Variants in UPP2 observed in about 807,000 individuals in gnomAD.
UPP2 encodes UPase 2.
In UPP2, 23 loss-of-function variants were observed where a neutral mutation model predicts 26.7. The observed-to-expected ratio is 0.86, with a 90% CI of 0.62 to 1.22. UPP2 has a LOEUF of 1.22. Among genes scored for constraint, UPP2 ranks in the 50% most tolerant of loss-of-function variants. The pLI is 0.00. For synonymous variants in UPP2, 127 were observed against 141.3 expected (o/e 0.90, Z 0.72); for missense variants, 387 against 396.7 (o/e 0.98, Z 0.21).
chr2:158,098,521 A>C, upstream of UPP2, among the ~76,000 whole-genome samples: 1 of 152,194 alleles, frequency 6.6e-6, no homozygotes, highest in African/African-American at 2.4e-5. Flanking sequence ...AAGTAGCCAC[A>C]GGTCCCTTAT....
chr2:158,042,933 G>A (rs1403601035), intron 3 of UPP2, among the ~76,000 whole-genome samples: 1 of 152,120 alleles, frequency 6.6e-6, no homozygotes, highest in Non-Finnish European at 1.5e-5. Context: ...GCCAGGCCTG[G>A]GCCTGTGAAG....
In UPP2 at chr2:158,012,143, TG is replaced by T. The variant is rs139173644; in HGVS notation, c.62-3657del. ...CTCTCTGCCCGCATAGACCAGTACA[TG>T]TAAGCCTTTTAAAAAAGAGTTTGAT... is the stretch of plus-strand genomic sequence containing the variant. On this transcript the variant is annotated intron_variant, in intron 2 of 9. Coordinates refer to the UPP2 transcript ENST00000605860. 7.5e-3 allele frequency among the ~76,000 whole-genome samples: 1,146 copies of T among 152,116 alleles called. 49 individuals are homozygous for T. The East Asian group carries it at 0.15, about 19-fold the overall frequency.
intron 3 of UPP2, among the ~76,000 whole-genome samples, chr2:158,058,370 T>C (rs1403117361): frequency 4.2e-5 from 2 of 47,200 alleles, no homozygotes; most frequent in African/African-American, 2.1e-4. Context: ...AGCATGCTTG[T>C]ATGCTCTCTC....
intron 3 of UPP2, among the ~76,000 whole-genome samples, chr2:158,039,234 C>T (rs1361680481): frequency 6.6e-6 from 1 of 152,056 alleles, no homozygotes; most frequent in African/African-American, 2.4e-5. Context: ...AGCAGCAGAC[C>T]CACAGGTGGT....
Position 158,065,785 on chromosome 2 carries a change from T to C in UPP2, c.148-36255T>C. Reference sequence around the variant, plus strand: ...GATGGTGCACCACCATCCAACCAGATTGATGACTGGTTAAGTCTTGTGAAA... The same window carrying C: ...GATGGTGCACCACCATCCAACCAGACTGATGACTGGTTAAGTCTTGTGAAA... On this transcript the variant is annotated intron_variant, in intron 3 of 9. Coordinates refer to the UPP2 transcript ENST00000605860. The C allele has an allele frequency of 8.6e-6, 6 of 700,552 alleles. No homozygotes were observed. In the Admixed American group the frequency reaches 1.0e-4, roughly 12 times the overall value. The allele number at this position is 700,552 out of a possible 1,614,324, so 43.4% of individuals were successfully genotyped here.
intron 2 of UPP2, among the ~76,000 whole-genome samples, chr2:158,010,710 A>G (rs1683561866): frequency 6.6e-6 from 1 of 152,116 alleles, no homozygotes; most frequent in South Asian, 2.1e-4. Context: ...TAATAGGTAA[A>G]AGGTAATACA....
chr2:158,013,668 T>G (rs1385821043), intron 2 of UPP2, among the ~76,000 whole-genome samples: 1 of 152,230 alleles, frequency 6.6e-6, no homozygotes, highest in African/African-American at 2.4e-5. Context: ...ACAGAGTTCC[T>G]GCGTGGCAAC....
intron 3 of UPP2, among the ~76,000 whole-genome samples, chr2:158,066,271 G>C (rs1682433478): frequency 6.6e-6 from 1 of 152,196 alleles, no homozygotes; most frequent in Non-Finnish European, 1.5e-5. Flanking sequence ...TTGGACACTT[G>C]GCAAAAGATT....
At chr2:158,061,832 C>A (rs540612119) in intron 3 of UPP2, among the ~76,000 whole-genome samples, 1 of 152,372 alleles carries the variant, frequency 6.6e-6, no homozygotes, top group African/African-American at 2.4e-5. Context: ...ATCGCCTTTG[C>A]GTGCACAGAT....
At chr2:157,996,614 G>A (rs949889177) in intron 2 of UPP2, among the ~76,000 whole-genome samples, 9 of 152,120 alleles carry the variant, frequency 5.9e-5, no homozygotes, top group African/African-American at 2.2e-4. Flanking sequence ...GCCTTCTAGA[G>A]CTTTCTAGAA....
intron 2 of UPP2, among the ~76,000 whole-genome samples, chr2:158,014,264 T>G (rs1683625610): frequency 6.6e-6 from 1 of 152,218 alleles, no homozygotes; most frequent in Non-Finnish European, 1.5e-5. Flanking sequence ...CTAGGAGGTC[T>G]GGTGGAATCA....
intron 3 of UPP2, among the ~76,000 whole-genome samples, chr2:158,024,324 T>C (rs1194206844): frequency 6.6e-6 from 1 of 152,216 alleles, no homozygotes; most frequent in Non-Finnish European, 1.5e-5. Flanking sequence ...TAGAATAGCT[T>C]TCTTGCCCCC....
chr2:158,032,157 G>C (rs1164994594), intron 3 of UPP2, among the ~76,000 whole-genome samples: 1 of 152,214 alleles, frequency 6.6e-6, no homozygotes, highest in Non-Finnish European at 1.5e-5. Context: ...AGAGCTAGCA[G>C]CTGCTTGTAA....
At chr2:158,078,641 G>T (rs757466564) in intron 3 of UPP2, among the ~76,000 whole-genome samples, 7 of 152,134 alleles carry the variant, frequency 4.6e-5, no homozygotes, top group African/African-American at 1.7e-4. Flanking sequence ...AAGAGTAGCA[G>T]GGGGATGGGA....
At chr2:158,131,808 C>A (rs1343257488) in intron 6 of UPP2, among the ~76,000 whole-genome samples, 1 of 152,172 alleles carries the variant, frequency 6.6e-6, no homozygotes, top group Non-Finnish European at 1.5e-5. Context: ...CTTTTAATTG[C>A]TCATGGAAAT....
intron 3 of UPP2, among the ~76,000 whole-genome samples, chr2:158,028,480 G>T (rs1478497783): frequency 6.6e-6 from 1 of 152,046 alleles, no homozygotes. Flanking sequence ...TCACTAATAG[G>T]CTTTTGGTCA....
chr2:158,090,656 A>G (rs1682897743), intron 3 of UPP2, among the ~76,000 whole-genome samples: 1 of 151,952 alleles, frequency 6.6e-6, no homozygotes, highest in South Asian at 2.1e-4. Context: ...TAAACAAAGC[A>G]TCTGCCAGCA....
chr2:158,136,121 T>C lies in UPP2; in HGVS notation c.*1231T>C, dbSNP rs540123699. On this transcript the variant is annotated 3_prime_UTR_variant, in exon 7 of 7. Transcript: ENST00000005756. ...AGCAATGACAATAAACAAGAGGTAT[T>C]TATCATCACCAATAAACAATCCCCC... 3 of 152,226 alleles carry C rather than the reference T, an allele frequency of 2.0e-5. No homozygotes were observed. The highest frequency in any genetic ancestry group is 4.1e-4 in the South Asian group (2 of 4,822). The allele number at this position is 152,226 out of a possible 1,614,324, so 9.4% of individuals were successfully genotyped here. A position where few individuals can be genotyped will look rare whatever the true frequency, so the allele number is the denominator to read the frequency against.
intron 3 of UPP2, among the ~76,000 whole-genome samples, chr2:158,041,592 G>C (rs868385208): frequency 6.6e-6 from 1 of 152,138 alleles, no homozygotes; most frequent in South Asian, 2.1e-4. Context: ...CAATCAATTT[G>C]CATTTGATTT....
Sources: allele counts gnomAD v4.1 joint callset (sites outside exome capture counted in the v4.1 genomes callset), GRCh38; gene constraint gnomAD v4.1.1; transcripts MANE v1.5; gene names NCBI Gene and HGNC (gene_info 2026-07-23, HGNC 2026-07-21).